The following ATG2B variants were observed in gnomAD, a reference collection of about 807,000 sequenced individuals.
ATG2B encodes the protein autophagy related 2B.
Under a neutral mutation model 241.3 loss-of-function variants are expected in ATG2B, and 121 were observed. That is an observed-to-expected ratio of 0.50 (90% confidence interval 0.43 to 0.58). The LOEUF (loss-of-function observed/expected upper bound fraction) is 0.58. Among genes scored for constraint, ATG2B ranks in the 20% least tolerant of loss-of-function variants. ATG2B has a pLI of 0.00. For missense variants in ATG2B, 2,306 were observed against 2,491.6 expected, an observed-to-expected ratio of 0.93 and a Z score of 1.59; for synonymous variants, 858 against 876.6, an observed-to-expected ratio of 0.98 and a Z score of 0.37.
intron 20 of ATG2B, 85 bp downstream of exon 20, chr14:96,317,060 T>C: frequency 7.9e-7 from 1 of 1,260,478 alleles, no homozygotes; most frequent in South Asian, 1.5e-5. Context: ...AAATATCAAA[T>C]ACTTCAATCA....
chr14:96,309,081 T>C (rs1887079444), intron 29 of ATG2B, among the ~76,000 whole-genome samples: 1 of 152,208 alleles, frequency 6.6e-6, no homozygotes, highest in Non-Finnish European at 1.5e-5. Flanking sequence ...GCCATCTTAC[T>C]TTACTAAAGT....
intron 30 of ATG2B, 59 bp downstream of exon 30, chr14:96,306,655 C>A: frequency 7.0e-7 from 1 of 1,437,962 alleles, no homozygotes; most frequent in Non-Finnish European, 9.5e-7. Flanking sequence ...TCCAGGTACC[C>A]TTTGGTCAAT....
rs1254713055 is a variant in ATG2B, at chr14:96,285,466, AAGG to A, written c.*286_*288del. The A allele has an allele frequency of 1.3e-5, 5 of 392,012 alleles. No homozygotes were observed. The highest frequency in any genetic ancestry group is 6.0e-5 in the African/African-American group (3 of 49,808). 24.3% of individuals were successfully genotyped at this position (392,012 alleles called of 1,614,324 possible). On this transcript the variant is annotated 3_prime_UTR_variant, in exon 42 of 42. Coordinates refer to ENST00000359933, the MANE Select transcript of ATG2B (RefSeq NM_018036.7). The surrounding 1 kb of genome is among the most constrained non-coding windows in gnomAD (Gnocchi z 4.2). The stretch of plus-strand genomic sequence containing the variant: ...CTTCCAATGATCTCTCGTCGGTAAC[AAGG>A]AGAATTACAGTCATCTTAACAAAAG...
chr14:96,326,875 A>T (rs1887600078), intron 14 of ATG2B, among the ~76,000 whole-genome samples: 1 of 152,144 alleles, frequency 6.6e-6, no homozygotes, highest in Admixed American at 6.5e-5. Context: ...TGGATTTTTA[A>T]CAAATCTATT....
At chr14:96,342,333 A>G (rs1430755680) in intron 5 of ATG2B, among the ~76,000 whole-genome samples, 1 of 152,182 alleles carries the variant, frequency 6.6e-6, no homozygotes, top group Admixed American at 6.5e-5. Flanking sequence ...ACCTGACCTC[A>G]CGTGATGGGC....
intron 35 of ATG2B, 23 bp downstream of exon 35, chr14:96,295,459 T>C: frequency 6.7e-7 from 1 of 1,486,718 alleles, no homozygotes; most frequent in African/African-American, 1.4e-5. Context: ...GGTATAGTCT[T>C]TTCAACTATA....
intron 36 of ATG2B, among the ~76,000 whole-genome samples, chr14:96,293,719 T>C (rs1886551783): frequency 6.6e-6 from 1 of 152,164 alleles, no homozygotes; most frequent in African/African-American, 2.4e-5. Flanking sequence ...CCTTTGAGAG[T>C]ACAAATGAAA....
At chr14:96,291,818 T>C (rs765848749) in intron 37 of ATG2B, 136 bp from the exon 38 acceptor site, 42 of 658,268 alleles carry the variant, frequency 6.4e-5, no homozygotes, top group East Asian at 1.7e-4. Flanking sequence ...AGTAAAAATA[T>C]ATATCTTACA....
chr14:96,317,584 CA>C, intron 19 of ATG2B, 113 bp downstream of exon 19: 2 of 958,764 alleles, frequency 2.1e-6, no homozygotes, highest in Non-Finnish European at 3.0e-6. Context: ...AAAGAAATTG[CA>C]AAATATAGTT....
At chr14:96,361,131 C>A (rs1342033709) in intron 1 of ATG2B, among the ~76,000 whole-genome samples, 1 of 152,040 alleles carries the variant, frequency 6.6e-6, no homozygotes, top group Non-Finnish European at 1.5e-5. Flanking sequence ...CCATCAAGAA[C>A]AAAACATCAT....
At chr14:96,312,521 C>T (rs1887189324) in intron 25 of ATG2B, among the ~76,000 whole-genome samples, 1 of 152,098 alleles carries the variant, frequency 6.6e-6, no homozygotes, top group African/African-American at 2.4e-5. Flanking sequence ...GCAGGAGGAC[C>T]ACCTGAGGCC....
rs1886210241 is a variant in ATG2B, at chr14:96,281,946, T to C, written c.*3809A>G. 1 of 152,244 alleles carries C rather than the reference T, an allele frequency of 6.6e-6. No individual in the cohort carries two copies. Among genetic ancestry groups the C allele is most frequent in the South Asian group, 2.1e-4 (1 of 4,834 alleles). 9.4% of individuals were successfully genotyped at this position (152,244 alleles called of 1,614,324 possible). On this transcript the variant is annotated 3_prime_UTR_variant, in exon 42 of 42. Transcript: ENST00000359933. ...GTGTGTTGGATGCTTTTTGTATCTC[T>C]GATATGCAGGCACTATAATGGGGGG...
chr14:96,343,052 A>T (rs1411795773), intron 5 of ATG2B, 67 bp downstream of exon 5: 1 of 1,287,082 alleles, frequency 7.8e-7, no homozygotes, highest in Non-Finnish European at 1.0e-6. Context: ...AGCAAAATTT[A>T]ATAGCCCCCA....
intron 15 of ATG2B, among the ~76,000 whole-genome samples, chr14:96,324,709 T>C (rs1186026688): frequency 6.6e-6 from 1 of 152,110 alleles, no homozygotes; most frequent in Non-Finnish European, 1.5e-5. Flanking sequence ...GTTTTTTCAA[T>C]CCATTTTACA....
intron 14 of ATG2B, among the ~76,000 whole-genome samples, chr14:96,327,748 G>A (rs1376833783): frequency 6.6e-6 from 1 of 152,068 alleles, no homozygotes; most frequent in Non-Finnish European, 1.5e-5. Flanking sequence ...TTTATGTAAA[G>A]CAATATATTC....
chr14:96,321,815 T>C (rs1280688750), intron 18 of ATG2B, among the ~76,000 whole-genome samples: 1 of 152,158 alleles, frequency 6.6e-6, no homozygotes, highest in Non-Finnish European at 1.5e-5. Flanking sequence ...TTCACGTCAC[T>C]GCACATAAAG....
intron 19 of ATG2B, 121 bp downstream of exon 19, chr14:96,317,575 AAG>A: frequency 2.3e-6 from 2 of 873,420 alleles, no homozygotes; most frequent in South Asian, 4.7e-5. Context: ...AAATTACTAA[AAG>A]AAATTGCAAA....
In ATG2B at chr14:96,307,412, A is replaced by C. The variant is rs150252292; in HGVS notation, c.4304-496T>G. On this transcript the variant is annotated intron_variant, in intron 29 of 41. Transcript: ENST00000359933. ...CGTGACAGACCAAGAACCTGTCAAAAAAACAAACAAACAAACAAAAAACAA... is the reference window on the plus strand; with the variant it reads ...CGTGACAGACCAAGAACCTGTCAAACAAACAAACAAACAAACAAAAAACAA... Among the ~76,000 whole-genome samples the C allele has an allele frequency of 4.4e-3, 651 of 149,156 alleles. 26 individuals are homozygous for C. In the South Asian group the frequency reaches 0.067, roughly 15 times the overall value.
Position 96,290,187 on chromosome 14 carries a change from TCTG to T in ATG2B, c.5856+246_5856+248del, listed in dbSNP as rs1265475941. 3 of 1,292,736 alleles carry T rather than the reference TCTG, an allele frequency of 2.3e-6. No homozygotes were observed. The highest frequency in any genetic ancestry group is 3.6e-5 in the Admixed American group (1 of 27,996). 80.1% of individuals were successfully genotyped at this position (1,292,736 alleles called of 1,614,324 possible). ...CATACAAATATGGTGAAATCAATCC[TCTG>T]CTAACTTAATGTTTACAATTTACCT... On this transcript the variant is annotated intron_variant, in intron 40 of 41. Coordinates refer to ENST00000359933, the MANE Select transcript of ATG2B (RefSeq NM_018036.7). This position sits in a 1 kb window ranked among gnomAD's most constrained non-coding sequence, Gnocchi z 4.4.
Sources: gnomAD v4.1 joint callset for allele counts (sites outside exome capture counted in the v4.1 genomes callset) on GRCh38, gnomAD v4.1.1 for gene constraint, Gnocchi (gnomAD v3.1) non-coding constraint, MANE v1.5 for transcripts, NCBI Gene and HGNC (gene_info 2026-07-23, HGNC 2026-07-21) for gene names.